Variants in ASTN2 observed in about 807,000 individuals in gnomAD.
ASTN2 encodes the protein astrotactin-2.
In ASTN2, 54 loss-of-function variants were observed where a neutral mutation model predicts 139.8. The observed-to-expected ratio is 0.39, with a 90% CI of 0.31 to 0.48. The LOEUF (loss-of-function observed/expected upper bound fraction) is 0.48. ASTN2 is among the 20% of genes least tolerant of loss of function. ASTN2 has a pLI of 0.95. For synonymous variants in ASTN2, 756 were observed against 719.5 expected (o/e 1.05, Z -0.81); for missense variants, 1,565 against 1,725.1 (o/e 0.91, Z 1.64).
At chr9:117,238,823 A>G (rs1026944841) in intron 2 of ASTN2, among the ~76,000 whole-genome samples, 2 of 152,212 alleles carry the variant, frequency 1.3e-5, no homozygotes, top group Non-Finnish European at 2.9e-5. Context: ...CTGGCACCCA[A>G]TAACACCCCA....
At chr9:116,972,301 T>C (rs940285109) in intron 10 of ASTN2, among the ~76,000 whole-genome samples, 6 of 152,250 alleles carry the variant, frequency 3.9e-5, no homozygotes, top group African/African-American at 1.4e-4. Context: ...CAAGGTGCTA[T>C]GTATGGTTAC....
intron 19 of ASTN2, among the ~76,000 whole-genome samples, chr9:116,548,647 T>C (rs960432045): frequency 6.6e-6 from 1 of 152,128 alleles, no homozygotes; most frequent in Non-Finnish European, 1.5e-5. Flanking sequence ...TAATTTTTGG[T>C]ACTTTTAGTA....
chr9:116,648,553 A>G (rs1857728856), intron 17 of ASTN2, among the ~76,000 whole-genome samples: 2 of 152,020 alleles, frequency 1.3e-5, no homozygotes, highest in Admixed American at 1.3e-4. Flanking sequence ...ACACATATGT[A>G]TTTTATTGTT....
At chr9:117,072,330 G>C (rs1040319224) in intron 5 of ASTN2, among the ~76,000 whole-genome samples, 1 of 152,140 alleles carries the variant, frequency 6.6e-6, no homozygotes, top group Non-Finnish European at 1.5e-5. Flanking sequence ...TCTAGTCTCA[G>C]CTGGTTTGAG....
At chr9:116,779,342 C>T (rs1830160354) in intron 13 of ASTN2, among the ~76,000 whole-genome samples, 1 of 152,084 alleles carries the variant, frequency 6.6e-6, no homozygotes, top group Non-Finnish European at 1.5e-5. Flanking sequence ...CACAGCATCC[C>T]TTTCTTCCAG....
chr9:116,751,320 T>C (rs966176119), intron 13 of ASTN2, among the ~76,000 whole-genome samples: 4 of 152,238 alleles, frequency 2.6e-5, no homozygotes, highest in Non-Finnish European at 5.9e-5. Context: ...TTACTGTTAC[T>C]GTGGTTATTT....
At chr9:116,784,988 G>T (rs1464241805) in intron 13 of ASTN2, among the ~76,000 whole-genome samples, 1 of 151,582 alleles carries the variant, frequency 6.6e-6, no homozygotes, top group East Asian at 1.9e-4. Context: ...ATATGGATTT[G>T]GAGCCAGACT....
chr9:116,756,247 A>C (rs925287786), intron 13 of ASTN2, among the ~76,000 whole-genome samples: 1 of 152,112 alleles, frequency 6.6e-6, no homozygotes, highest in African/African-American at 2.4e-5. Context: ...ATTTCTAGGA[A>C]CTCCGCAGAG....
At chr9:116,484,107 A>G (rs545202041) in intron 20 of ASTN2, among the ~76,000 whole-genome samples, 22 of 152,290 alleles carry the variant, frequency 1.4e-4, no homozygotes, top group African/African-American at 5.3e-4. Context: ...TGGGACCCCA[A>G]CTTGCCTGAT....
At chr9:116,559,660 T>C (rs1485496633) in intron 19 of ASTN2, among the ~76,000 whole-genome samples, 1 of 152,194 alleles carries the variant, frequency 6.6e-6, no homozygotes, top group African/African-American at 2.4e-5. Context: ...TGATCACATC[T>C]AATACCAAGG....
chr9:116,613,905 G>T (rs946901237), intron 19 of ASTN2, among the ~76,000 whole-genome samples: 2 of 152,122 alleles, frequency 1.3e-5, no homozygotes, highest in Admixed American at 1.3e-4. Context: ...GAAATAAAGG[G>T]TATTCAATTA....
intron 2 of ASTN2, among the ~76,000 whole-genome samples, chr9:117,273,490 C>A (rs6478300): frequency 0.36 from 54,934 of 151,944 alleles, 11,785 homozygotes; most frequent in African/African-American, 0.6. Flanking sequence ...AGATAAGGGA[C>A]GAGTGTGTGA....
chr9:116,927,664 ACT>A (rs1834792083), intron 10 of ASTN2, among the ~76,000 whole-genome samples: 1 of 151,772 alleles, frequency 6.6e-6, no homozygotes, highest in South Asian at 2.1e-4. Context: ...TGGTGGCTGG[ACT>A]CTATTAGGCT....
intron 10 of ASTN2, among the ~76,000 whole-genome samples, chr9:116,900,587 C>T (rs987637562): frequency 1.3e-5 from 2 of 152,152 alleles, no homozygotes; most frequent in African/African-American, 4.8e-5. Flanking sequence ...ATAGAGCCCT[C>T]TGAAATGATC....
intron 13 of ASTN2, among the ~76,000 whole-genome samples, chr9:116,799,276 C>T (rs1830779032): frequency 6.6e-6 from 1 of 152,222 alleles, no homozygotes; most frequent in South Asian, 2.1e-4. Context: ...TTCCTTGAAT[C>T]CTTATAGAAA....
At chr9:116,970,192 G>A (rs1442292868) in intron 10 of ASTN2, among the ~76,000 whole-genome samples, 3 of 152,146 alleles carry the variant, frequency 2.0e-5, no homozygotes, top group African/African-American at 7.2e-5. Context: ...ATGACAAGAT[G>A]CGGCATAACA....
chr9:116,645,405 A>C (rs1278416161), intron 17 of ASTN2, among the ~76,000 whole-genome samples: 1 of 152,134 alleles, frequency 6.6e-6, no homozygotes. Context: ...GGTATAATCA[A>C]GGGCTCGTTT....
chr9:116,578,920 T>C (rs531543602), intron 19 of ASTN2: 2 of 152,298 alleles, frequency 1.3e-5, no homozygotes, highest in Admixed American at 6.5e-5. Flanking sequence ...TTTGTATTAT[T>C]ATTTACTTAT....
At chr9:116,850,577 T>C (rs376483580) in intron 11 of ASTN2, among the ~76,000 whole-genome samples, 7 of 152,210 alleles carry the variant, frequency 4.6e-5, no homozygotes, top group African/African-American at 1.7e-4. Context: ...ACTCACAGGA[T>C]GGAGACTGAG....
Sources: gnomAD v4.1 joint callset for allele counts (sites outside exome capture counted in the v4.1 genomes callset) on GRCh38, gnomAD v4.1.1 for gene constraint, MANE v1.5 for transcripts, NCBI Gene and HGNC (gene_info 2026-07-23, HGNC 2026-07-21) for gene names.